The following ARID4A variants were observed in gnomAD, a reference collection of about 807,000 sequenced individuals.
ARID4A encodes AT-rich interaction domain 4A, also known as AT-rich interactive domain-containing protein 4A.
Under a neutral mutation model 148.6 loss-of-function variants are expected in ARID4A, and 39 were observed. The ratio of observed to expected loss-of-function variants is 0.26; its 90% CI spans 0.20 to 0.34. The LOEUF is 0.34. ARID4A is among the 10% of genes least tolerant of loss of function. ARID4A has a pLI of 1.00. For synonymous variants in ARID4A, 475 were observed against 481.2 expected, an observed-to-expected ratio of 0.99 and a Z score of 0.17; for missense variants, 1,265 against 1,449.1, an observed-to-expected ratio of 0.87 and a Z score of 2.06.
rs145462807 is a variant in ARID4A at position 58,358,807 on chromosome 14, A to G, written c.1854-325A>G. On this transcript the variant is annotated intron_variant, in intron 17 of 23. Transcript: ENST00000355431. ...CACGAATTCTATTGCAGATCTGATTATAAGCTCAGGTCTGTAAAAGCTGTG... is the reference window on the plus strand; with the variant it reads ...CACGAATTCTATTGCAGATCTGATTGTAAGCTCAGGTCTGTAAAAGCTGTG... 5.3e-3 allele frequency among the ~76,000 whole-genome samples: 808 copies of G among 152,344 alleles called. 1 individual carries two copies. The highest frequency in any genetic ancestry group is 8.9e-3 in the Non-Finnish European group (606 of 68,020).
chr14:58,353,620 GTTATTAGTAGCATTATCAGTA>G lies in ARID4A; in HGVS notation c.1656-33_1656-13del. The G allele has an allele frequency of 6.4e-7, 1 of 1,557,474 alleles. No individual in the cohort carries two copies. The highest frequency in any genetic ancestry group is 8.8e-7 in the Non-Finnish European group (1 of 1,132,614). On this transcript the variant is annotated splice_polypyrimidine_tract_variant and intron_variant, in intron 16 of 23. Coordinates refer to ENST00000355431, the MANE Select transcript of ARID4A (RefSeq NM_002892.4). ...TTTAGCATATTTTATTCTCCATTAA[GTTATTAGTAGCATTATCAGTA>G]TTATAACTTACTGCAGGGAAGAAAC...
chr14:58,354,525 A>C (rs1226257557), intron 17 of ARID4A, among the ~76,000 whole-genome samples: 1 of 151,814 alleles, frequency 6.6e-6, no homozygotes, highest in Non-Finnish European at 1.5e-5. Context: ...CTCTACAAAA[A>C]ATTAAAAATT....
intron 9 of ARID4A, among the ~76,000 whole-genome samples, chr14:58,328,877 T>C (rs1238203793): frequency 6.6e-6 from 1 of 151,296 alleles, no homozygotes; most frequent in African/African-American, 2.4e-5. Flanking sequence ...CCTGTAGTCC[T>C]AGCTTCTCGG....
intron 8 of ARID4A, among the ~76,000 whole-genome samples, chr14:58,324,683 T>C (rs2033119507): frequency 6.6e-6 from 1 of 152,242 alleles, no homozygotes; most frequent in Non-Finnish European, 1.5e-5. Context: ...ATTTTTTAAA[T>C]GGATATTTGA....
rs536593882 is a variant in ARID4A at position 58,344,928 on chromosome 14, A to C, written c.979+161A>C. On this transcript the variant is annotated intron_variant, in intron 12 of 23. Coordinates refer to ENST00000355431, the MANE Select transcript of ARID4A (RefSeq NM_002892.4). ...TGCTTTGATGCCCAGGCTGGAGTGCAGTGATTTGCTCCTGGCTTACTGCAG... is the reference window on the plus strand; with the variant it reads ...TGCTTTGATGCCCAGGCTGGAGTGCCGTGATTTGCTCCTGGCTTACTGCAG... Among the ~76,000 whole-genome samples, 7 of 152,244 alleles carry C rather than the reference A, an allele frequency of 4.6e-5. No homozygotes were observed. The South Asian group carries it at 1.5e-3, about 32-fold the overall frequency.
rs1261663264 is a variant in ARID4A, at chr14:58,364,464, G to T, written c.2375G>T (p.Gly792Val). Residue 792 changes from glycine to valine, a missense_variant, in exon 20 of 24, where the codon GGA becomes GTA. Transcript: ENST00000355431. Reference sequence around the variant, plus strand: ...AAAGAAGCCGAAAAATCTCCAAAAGGAAAGGGAAGACGAAGCAAGACAAAA... The same window carrying T: ...AAAGAAGCCGAAAAATCTCCAAAAGTAAAGGGAAGACGAAGCAAGACAAAA... ...VKKEAEKSPKGKGRRSKTKDL... is the reference protein window; with the variant it reads ...VKKEAEKSPKVKGRRSKTKDL... 6.2e-7 allele frequency: 1 copy of T among 1,613,132 alleles called. No individual in the cohort carries two copies. Among genetic ancestry groups the T allele is most frequent in the Non-Finnish European group, 8.5e-7 (1 of 1,179,842 alleles).
chr14:58,306,161 A>T, intron 5 of ARID4A, 49 bp downstream of exon 5: 1 of 1,353,914 alleles, frequency 7.4e-7, no homozygotes, highest in Non-Finnish European at 1.1e-6. Context: ...GGTTGCATGT[A>T]TCTGTGTTTT....
At chr14:58,348,292 C>G (rs1231332244) in intron 15 of ARID4A, among the ~76,000 whole-genome samples, 32 of 152,192 alleles carry the variant, frequency 2.1e-4, no homozygotes, top group Admixed American at 2.1e-3. Flanking sequence ...TTGCCCCACT[C>G]TACACTAGAA....
chr14:58,344,368 G>A (rs1221971197), intron 11 of ARID4A, among the ~76,000 whole-genome samples: 2 of 152,070 alleles, frequency 1.3e-5, no homozygotes, highest in Admixed American at 1.3e-4. Flanking sequence ...GGGCCACATA[G>A]TATTTAAATG....
chr14:58,306,124 A>T lies in ARID4A; in HGVS notation c.274+12A>T. ...TTGGTATACCGTGGGTAAGTAATTA[A>T]GTAATTTAACACAGATTTGATTTGG... On this transcript the variant is annotated intron_variant, in intron 5 of 23. Transcript: ENST00000355431. 6.3e-7 allele frequency: 1 copy of T among 1,589,830 alleles called. No homozygotes were observed. Among genetic ancestry groups the T allele is most frequent in the Non-Finnish European group, 8.6e-7 (1 of 1,158,340 alleles).
At chr14:58,339,523 A>G (rs1385333625) in intron 11 of ARID4A, among the ~76,000 whole-genome samples, 2 of 152,168 alleles carry the variant, frequency 1.3e-5, no homozygotes, top group Non-Finnish European at 2.9e-5. Context: ...AAAGTTCATC[A>G]TCTTTTACTG....
chr14:58,369,121 AG>A (rs2035490442), intron 23 of ARID4A, among the ~76,000 whole-genome samples: 1 of 152,200 alleles, frequency 6.6e-6, no homozygotes, highest in African/African-American at 2.4e-5. Context: ...AAGAAATAAG[AG>A]AAATATGGAA....
chr14:58,323,468 G>A lies in ARID4A; in HGVS notation c.450-17G>A. On this transcript the variant is annotated splice_polypyrimidine_tract_variant and intron_variant, in intron 7 of 23. Coordinates refer to ENST00000355431, the MANE Select transcript of ARID4A (RefSeq NM_002892.4). ...TTGTTTGTGTTAGGATAATGATCAA[G>A]TTATTCTAACTTTTAGTACTGAAGA... The A allele has an allele frequency of 6.3e-7, 1 of 1,599,858 alleles. No individual in the cohort carries two copies. The highest frequency in any genetic ancestry group is 8.6e-7 in the Non-Finnish European group (1 of 1,167,180).
chr14:58,321,520 A>T (rs1282917574), intron 7 of ARID4A, among the ~76,000 whole-genome samples: 1 of 152,074 alleles, frequency 6.6e-6, no homozygotes. Context: ...AAGGTATCCT[A>T]GGCTCATGTT....
At chr14:58,362,376 C>T (rs745519496) in intron 19 of ARID4A, among the ~76,000 whole-genome samples, 2 of 152,026 alleles carry the variant, frequency 1.3e-5, no homozygotes, top group Non-Finnish European at 2.9e-5. Context: ...ATCACTTGAG[C>T]CCAGGAGTTC....
chr14:58,328,299 A>T lies in ARID4A; in HGVS notation c.645A>T (p.Ser215=), dbSNP rs372258156. 3.1e-6 allele frequency: 5 copies of T among 1,599,116 alleles called. No individual in the cohort carries two copies. The African/African-American group carries it at 6.7e-5, about 21-fold the overall frequency. ...TVKKDQCLVR[S]FIDSKFYSIA... ...AAAAGGATCAGTGTTTAGTTCGATCATTTATTGATTCTAAATTGTGAGTAA... is the reference window on the plus strand; with the variant it reads ...AAAAGGATCAGTGTTTAGTTCGATCTTTTATTGATTCTAAATTGTGAGTAA... The change falls in exon 9 of 24, where the codon TCA becomes TCT. Residue 215 remains serine, a synonymous_variant. Coordinates refer to ENST00000355431, the MANE Select transcript of ARID4A (RefSeq NM_002892.4).
intron 2 of ARID4A, 69 bp from the exon 3 acceptor site, chr14:58,301,511 T>C: frequency 3.8e-6 from 4 of 1,065,308 alleles, no homozygotes; most frequent in Middle Eastern, 2.1e-4. Flanking sequence ...CACAACCTTT[T>C]AATGAGACTT....
At chr14:58,332,001 C>A (rs1218266060) in intron 11 of ARID4A, among the ~76,000 whole-genome samples, 4 of 145,986 alleles carry the variant, frequency 2.7e-5, no homozygotes, top group Non-Finnish European at 3.0e-5. Flanking sequence ...CCCTACCCCC[C>A]CCCCCCCAAA....
At chr14:58,349,760 A>G (rs1283075627) in intron 15 of ARID4A, among the ~76,000 whole-genome samples, 2 of 152,142 alleles carry the variant, frequency 1.3e-5, no homozygotes, top group South Asian at 4.1e-4. Flanking sequence ...GGACAAAGGT[A>G]TACAGACCCA....
Sources: gnomAD v4.1 joint callset for allele counts (sites outside exome capture counted in the v4.1 genomes callset) on GRCh38, gnomAD v4.1.1 for gene constraint, MANE v1.5 for transcripts, NCBI Gene and HGNC (gene_info 2026-07-23, HGNC 2026-07-21) for gene names.